The following SPATS2L variants were observed in gnomAD, a reference collection of about 807,000 sequenced individuals.
SPATS2L encodes spermatogenesis associated serine rich 2 like, also known as SPATS2-like protein.
In SPATS2L, 30 loss-of-function variants were observed where a neutral mutation model predicts 59.6. The ratio of observed to expected loss-of-function variants is 0.50; its 90% CI spans 0.38 to 0.68. SPATS2L has a LOEUF of 0.68. Among genes scored for constraint, SPATS2L ranks in the 30% least tolerant of loss-of-function variants. The pLI, the probability that SPATS2L is intolerant of heterozygous loss-of-function variation, is 0.00. For missense variants in SPATS2L, 615 were observed against 700.0 expected (o/e 0.88, Z 1.37); for synonymous variants, 252 against 263.5 (o/e 0.96, Z 0.42).
intron 2 of SPATS2L, among the ~76,000 whole-genome samples, chr2:200,351,664 AT>A (rs1227646432): frequency 3.3e-5 from 5 of 152,106 alleles, no homozygotes; most frequent in Non-Finnish European, 7.4e-5. Context: ...GGGCATAAAA[AT>A]TTTTTTATTC....
At chr2:200,346,424 C>G (rs1002484167) in intron 2 of SPATS2L, among the ~76,000 whole-genome samples, 2 of 152,108 alleles carry the variant, frequency 1.3e-5, no homozygotes, top group Non-Finnish European at 2.9e-5. Context: ...AGTTGTGTGA[C>G]TATGATCTAT....
rs144498666 is a variant in SPATS2L at position 200,420,779 on chromosome 2, C to A, written c.445+1283C>A. On this transcript the variant is annotated intron_variant, in intron 6 of 12. Coordinates refer to ENST00000409140, the MANE Select transcript of SPATS2L (RefSeq NM_001100423.2). Reference sequence around the variant, plus strand: ...AATTATATATATATTTTTTTAAAATCATGAATGTCCAGGGGAACATGAGAA... The same window carrying A: ...AATTATATATATATTTTTTTAAAATAATGAATGTCCAGGGGAACATGAGAA... Among the ~76,000 whole-genome samples the A allele has an allele frequency of 5.2e-4, 79 of 152,146 alleles. 1 individual carries two copies. Among genetic ancestry groups the A allele is most frequent in the African/African-American group, 1.8e-3 (76 of 41,502 alleles).
chr2:200,449,810 T>G (rs2085316966), intron 8 of SPATS2L, among the ~76,000 whole-genome samples: 1 of 152,230 alleles, frequency 6.6e-6, no homozygotes, highest in Non-Finnish European at 1.5e-5. Flanking sequence ...GAATGCATCT[T>G]GGAGCTTATT....
intron 6 of SPATS2L, among the ~76,000 whole-genome samples, chr2:200,437,554 T>C (rs1275472217): frequency 6.6e-6 from 1 of 152,204 alleles, no homozygotes; most frequent in Non-Finnish European, 1.5e-5. Flanking sequence ...AAGTTCTACC[T>C]TAATATCACT....
chr2:200,473,115 G>A, intron 12 of SPATS2L, 63 bp downstream of exon 12: 3 of 1,454,842 alleles, frequency 2.1e-6, no homozygotes, highest in Non-Finnish European at 2.8e-6. Flanking sequence ...TCCAGAGGAA[G>A]AAAACAGCAA....
intron 2 of SPATS2L, among the ~76,000 whole-genome samples, chr2:200,347,921 T>C (rs562554868): frequency 1.6e-4 from 24 of 151,718 alleles, no homozygotes; most frequent in Non-Finnish European, 3.3e-4. Flanking sequence ...TCCTGAGTAA[T>C]ATCTTATAAT....
intron 2 of SPATS2L, among the ~76,000 whole-genome samples, chr2:200,359,937 A>G (rs955380642): frequency 2.0e-5 from 3 of 152,350 alleles, no homozygotes; most frequent in African/African-American, 7.2e-5. Context: ...AGTGGGCTCC[A>G]AAGTGGAGTG....
intron 12 of SPATS2L, among the ~76,000 whole-genome samples, chr2:200,473,577 A>G (rs769344228): frequency 2.6e-5 from 4 of 152,212 alleles, no homozygotes; most frequent in Non-Finnish European, 4.4e-5. Flanking sequence ...TCAAAATGGC[A>G]TTCTTCATTC....
At chr2:200,370,805 A>G (rs950938416) in intron 2 of SPATS2L, among the ~76,000 whole-genome samples, 1 of 152,200 alleles carries the variant, frequency 6.6e-6, no homozygotes, top group Non-Finnish European at 1.5e-5. Context: ...TGTGTACTTA[A>G]TGGCATAAGT....
At chr2:200,375,611 C>A (rs1222455693) in intron 2 of SPATS2L, among the ~76,000 whole-genome samples, 3 of 152,026 alleles carry the variant, frequency 2.0e-5, no homozygotes, top group Admixed American at 2.0e-4. Flanking sequence ...GTGGCTAGAA[C>A]AATATTGGAC....
intron 3 of SPATS2L, among the ~76,000 whole-genome samples, chr2:200,396,919 C>T (rs2082373388): frequency 6.6e-6 from 1 of 152,158 alleles, no homozygotes; most frequent in Non-Finnish European, 1.5e-5. Flanking sequence ...AAAGGAGAAA[C>T]ATTGACAATA....
intron 2 of SPATS2L, among the ~76,000 whole-genome samples, chr2:200,338,304 T>C (rs1452067302): frequency 2.0e-5 from 3 of 152,184 alleles, no homozygotes; most frequent in African/African-American, 7.2e-5. Context: ...GGATTACAGG[T>C]GTGAGCCACC....
intron 11 of SPATS2L, 73 bp from the exon 12 acceptor site, chr2:200,472,759 C>T (rs957956744): frequency 1.1e-5 from 14 of 1,304,696 alleles, no homozygotes; most frequent in South Asian, 2.4e-5. Flanking sequence ...CATCTTCTAG[C>T]GCTTCCTAAT....
At position 200,479,170 on chromosome 2, in the gene SPATS2L, C is replaced by T. The variant is rs546441390; in HGVS notation, c.*1139C>T. ...CACCTGCTTTGGCCTCCGAAACTGC[C>T]GGAATTACAGGCATGAGCCACCGTA... On this transcript the variant is annotated 3_prime_UTR_variant, in exon 13 of 13. Transcript: ENST00000409140. The T allele has an allele frequency of 3.0e-5, 5 of 164,262 alleles. No individual in the cohort carries two copies. The highest frequency in any genetic ancestry group is 2.0e-4 in the South Asian group (1 of 4,906). 10.2% of individuals were successfully genotyped at this position (164,262 alleles called of 1,614,324 possible).
At chr2:200,366,927 A>C (rs1355644673) in intron 2 of SPATS2L, among the ~76,000 whole-genome samples, 1 of 152,222 alleles carries the variant, frequency 6.6e-6, no homozygotes, top group Non-Finnish European at 1.5e-5. Context: ...CCAAAGTAGT[A>C]ATTTACTAAG....
chr2:200,337,566 G>T (rs1297330796), intron 2 of SPATS2L, among the ~76,000 whole-genome samples: 4 of 152,098 alleles, frequency 2.6e-5, no homozygotes, highest in Non-Finnish European at 4.4e-5. Context: ...GCATTTTCTG[G>T]GATAGCAAAA....
At chr2:200,476,380 T>C (rs1294949556) in intron 12 of SPATS2L, among the ~76,000 whole-genome samples, 1 of 152,216 alleles carries the variant, frequency 6.6e-6, no homozygotes, top group African/African-American at 2.4e-5. Flanking sequence ...GATATTTGTT[T>C]TGGAATAAAT....
intron 6 of SPATS2L, among the ~76,000 whole-genome samples, chr2:200,426,398 T>A (rs1423854949): frequency 6.6e-6 from 1 of 152,232 alleles, no homozygotes. Context: ...TATATATAAC[T>A]GATGTTAAGT....
At chr2:200,344,591 A>G (rs576039873) in intron 2 of SPATS2L, among the ~76,000 whole-genome samples, 28 of 152,258 alleles carry the variant, frequency 1.8e-4, no homozygotes, top group African/African-American at 6.5e-4. Context: ...ATATCCTGTA[A>G]TAGGATGCTG....
Sources: allele counts gnomAD v4.1 joint callset (sites outside exome capture counted in the v4.1 genomes callset), GRCh38; gene constraint gnomAD v4.1.1; transcripts MANE v1.5; gene names NCBI Gene and HGNC (gene_info 2026-07-23, HGNC 2026-07-21).